Variants in ERICH6B observed in about 807,000 individuals in gnomAD.
The protein encoded by ERICH6B is glutamate-rich protein 6B.
ERICH6B carries 69 observed loss-of-function variants against 80.0 expected under a neutral mutation model. That is an observed-to-expected ratio of 0.86 (90% CI 0.71 to 1.05). The LOEUF (loss-of-function observed/expected upper bound fraction) is 1.05, where lower values mean the gene tolerates loss of function less well. ERICH6B is among the 50% of genes least tolerant of loss of function. The probability of loss-of-function intolerance (pLI) is 0.00; values close to 1 mark genes in which losing one functional copy is unlikely to be tolerated. For missense variants in ERICH6B, 754 were observed against 796.1 expected (o/e 0.95, Z 0.64); for synonymous variants, 283 against 291.9 (o/e 0.97, Z 0.31).
chr13:45,600,092 C>T (rs1949817073), intron 2 of ERICH6B, among the ~76,000 whole-genome samples: 1 of 152,214 alleles, frequency 6.6e-6, no homozygotes, highest in African/African-American at 2.4e-5. Context: ...TGGGACCCAA[C>T]CACAGCTATG....
rs1949875595 is a variant in ERICH6B, at chr13:45,607,588, A to C, written c.-83T>G. On this transcript the variant is annotated 5_prime_UTR_variant, in exon 2 of 15. Coordinates refer to ENST00000298738, the MANE Select transcript of ERICH6B (RefSeq NM_182542.3). ...CAATGTCAGGGGGTAAACTGAGTCC[A>C]AGCCAAGAGAGTTTTCAACAATAAC... 1.3e-5 allele frequency: 2 copies of C among 152,462 alleles called. No homozygotes were observed. The highest frequency in any genetic ancestry group is 2.9e-5 in the Non-Finnish European group (2 of 68,044). 9.4% of individuals were successfully genotyped at this position (152,462 alleles called of 1,614,324 possible). A position where few individuals can be genotyped will look rare whatever the true frequency, so the allele number is the denominator to read the frequency against.
chr13:45,567,317 G>A (rs1314245458), intron 9 of ERICH6B, among the ~76,000 whole-genome samples: 1 of 152,206 alleles, frequency 6.6e-6, no homozygotes, highest in East Asian at 1.9e-4. Flanking sequence ...TGTTGGGAAG[G>A]CATGATTGGT....
At chr13:45,598,262 G>A (rs1177673799) in intron 2 of ERICH6B, among the ~76,000 whole-genome samples, 2 of 152,032 alleles carry the variant, frequency 1.3e-5, no homozygotes, top group Admixed American at 6.6e-5. Context: ...TCTATAATCT[G>A]TTCCCCACCG....
intron 4 of ERICH6B, among the ~76,000 whole-genome samples, chr13:45,588,963 G>C (rs1301677487): frequency 1.3e-5 from 2 of 152,152 alleles, no homozygotes; most frequent in Non-Finnish European, 2.9e-5. Context: ...CATGTGCCTG[G>C]AGGACCTTCG....
chr13:45,549,884 C>T lies in ERICH6B; in HGVS notation c.1646+9G>A, dbSNP rs1326819063. 6.5e-7 allele frequency: 1 copy of T among 1,548,776 alleles called. No individual in the cohort carries two copies. The highest frequency in any genetic ancestry group is 1.4e-5 in the African/African-American group (1 of 73,158). On this transcript the variant is annotated intron_variant, in intron 13 of 14. Coordinates refer to ENST00000298738, the MANE Select transcript of ERICH6B (RefSeq NM_182542.3). The stretch of plus-strand genomic sequence containing the variant: ...GCAGGAGTGTTAGGGACTCATGACC[C>T]AAGCTTACCAGATATCACTATTTTC...
At chr13:45,605,847 G>C (rs1566307256) in intron 2 of ERICH6B, among the ~76,000 whole-genome samples, 1 of 152,174 alleles carries the variant, frequency 6.6e-6, no homozygotes, top group Non-Finnish European at 1.5e-5. Context: ...AACAGAAAAA[G>C]GTATTTTCCT....
At chr13:45,601,406 A>G (rs771732859) in intron 2 of ERICH6B, among the ~76,000 whole-genome samples, 1 of 152,164 alleles carries the variant, frequency 6.6e-6, no homozygotes, top group Non-Finnish European at 1.5e-5. Flanking sequence ...TAAAATGTAT[A>G]TATTTTACTG....
At chr13:45,554,934 A>T (rs1414892498) in intron 11 of ERICH6B, among the ~76,000 whole-genome samples, 1 of 152,238 alleles carries the variant, frequency 6.6e-6, no homozygotes, top group Non-Finnish European at 1.5e-5. Flanking sequence ...ACAAACAAAC[A>T]AAACTAAATG....
rs116235470 is a variant in ERICH6B at position 45,609,487 on chromosome 13, G to A, written c.-110-1872C>T. ...CTACATGTATTATCATGTTGTTTTA[G>A]TTTCCTCATAATATTTGTTACTCCT... On this transcript the variant is annotated intron_variant, in intron 1 of 14. Transcript: ENST00000298738. Among the ~76,000 whole-genome samples the A allele has an allele frequency of 2.3e-3, 357 of 152,294 alleles. 1 individual carries two copies. The highest frequency in any genetic ancestry group is 8.1e-3 in the African/African-American group (335 of 41,568).
intron 6 of ERICH6B, 122 bp downstream of exon 6, chr13:45,580,481 T>A: frequency 3.1e-6 from 3 of 973,046 alleles, no homozygotes; most frequent in Non-Finnish European, 3.1e-6. Flanking sequence ...AAGCCTGCTC[T>A]GTTCTAAAAT....
At chr13:45,602,766 C>G in intron 2 of ERICH6B, among the ~76,000 whole-genome samples, 1 of 152,220 alleles carries the variant, frequency 6.6e-6, no homozygotes, top group East Asian at 1.9e-4. Context: ...CTGGCTCCTT[C>G]TTCAAAGGAT....
chr13:45,582,643 C>A (rs7335544), intron 5 of ERICH6B, among the ~76,000 whole-genome samples: 1 of 152,130 alleles, frequency 6.6e-6, no homozygotes, highest in Admixed American at 6.5e-5. Context: ...CTGGACAGAG[C>A]TCCACGGCTC....
At chr13:45,567,936 G>T (rs1297488675) in intron 9 of ERICH6B, among the ~76,000 whole-genome samples, 1 of 152,224 alleles carries the variant, frequency 6.6e-6, no homozygotes, top group Non-Finnish European at 1.5e-5. Flanking sequence ...TGATTCCCCA[G>T]TGTCTTCTCC....
In ERICH6B at chr13:45,550,326, AAAGAC is replaced by A. The variant is rs749738726; in HGVS notation, c.1408-15_1408-11del. On this transcript the variant is annotated splice_polypyrimidine_tract_variant and intron_variant, in intron 11 of 14. Transcript: ENST00000298738. ...CATCACCTTGATGCACCTGGGAAGA[AAAGAC>A]AAGCCTATGAAAAGTGTGAAAAGTA... The A allele has an allele frequency of 6.5e-7, 1 of 1,549,296 alleles. No homozygotes were observed. Among genetic ancestry groups the A allele is most frequent in the Non-Finnish European group, 8.7e-7 (1 of 1,144,892 alleles).
At chr13:45,587,522 T>C (rs1244065780) in intron 4 of ERICH6B, among the ~76,000 whole-genome samples, 1 of 152,166 alleles carries the variant, frequency 6.6e-6, no homozygotes, top group Non-Finnish European at 1.5e-5. Flanking sequence ...TTCCAGAACA[T>C]TCTCCTTCCT....
At chr13:45,541,930 C>T (rs1347867369) in intron 14 of ERICH6B, among the ~76,000 whole-genome samples, 4 of 152,220 alleles carry the variant, frequency 2.6e-5, no homozygotes, top group East Asian at 1.9e-4. Flanking sequence ...GGCCCTAAAC[C>T]GGAGGGAAAG....
intron 11 of ERICH6B, among the ~76,000 whole-genome samples, chr13:45,560,313 A>AT (rs914934464): frequency 4.6e-5 from 7 of 152,158 alleles, no homozygotes; most frequent in African/African-American, 1.7e-4. Flanking sequence ...CATGAGATAG[A>AT]TTTTTTATAG....
rs190545522 is a variant in ERICH6B at position 45,607,162 on chromosome 13, A to G, written c.-59+402T>C. On this transcript the variant is annotated intron_variant, in intron 2 of 14. Coordinates refer to ENST00000298738, the MANE Select transcript of ERICH6B (RefSeq NM_182542.3). ...AAAGCTTTTAGTCCCACTTCCATTT[A>G]GGTTGGATTTTACTCCCAATGGAGT... Among the ~76,000 whole-genome samples, 227 of 152,302 alleles carry G rather than the reference A, an allele frequency of 1.5e-3. 3 individuals carry two copies. The highest frequency in any genetic ancestry group is 1.6e-4 in the Non-Finnish European group (11 of 68,010).
intron 13 of ERICH6B, among the ~76,000 whole-genome samples, chr13:45,545,285 A>G (rs546202036): frequency 2.0e-5 from 3 of 152,228 alleles, no homozygotes; most frequent in South Asian, 2.1e-4. Flanking sequence ...CCCCTGCCCC[A>G]GGTGGCATGG....
Sources: gnomAD v4.1 joint callset for allele counts (sites outside exome capture counted in the v4.1 genomes callset) on GRCh38, gnomAD v4.1.1 for gene constraint, MANE v1.5 for transcripts, NCBI Gene and HGNC (gene_info 2026-07-23, HGNC 2026-07-21) for gene names.